DGKB: variants seen among roughly 807,000 people sequenced by gnomAD.
DGKB encodes diacylglycerol kinase beta, also known as 90 kDa diacylglycerol kinase.
A neutral mutation model predicts 114.3 loss-of-function variants in DGKB; 67 were observed. That is an observed-to-expected ratio of 0.59 (90% confidence interval 0.48 to 0.72). The LOEUF (loss-of-function observed/expected upper bound fraction) is 0.72. Among genes scored for constraint, DGKB ranks in the 30% least tolerant of loss-of-function variants. The pLI is 0.00. For missense variants in DGKB, 907 were observed against 975.2 expected, an observed-to-expected ratio of 0.93 and a Z score of 0.93; for synonymous variants, 398 against 323.1, an observed-to-expected ratio of 1.23 and a Z score of -2.49.
intron 5 of DGKB, among the ~76,000 whole-genome samples, chr7:14,730,757 T>A (rs1830787936): frequency 6.6e-6 from 1 of 152,174 alleles, no homozygotes; most frequent in Non-Finnish European, 1.5e-5. Flanking sequence ...TGGGGATGAC[T>A]GCAACTCCAT....
At chr7:14,675,997 T>C (rs909785872) in intron 12 of DGKB, among the ~76,000 whole-genome samples, 1 of 152,076 alleles carries the variant, frequency 6.6e-6, no homozygotes, top group Non-Finnish European at 1.5e-5. Flanking sequence ...GAGATATACT[T>C]GAGGAAAAAA....
At chr7:14,628,067 C>T (rs1808968211) in intron 14 of DGKB, among the ~76,000 whole-genome samples, 1 of 152,048 alleles carries the variant, frequency 6.6e-6, no homozygotes. Flanking sequence ...AAGTAAGTAC[C>T]AGGAGGCAGC....
chr7:14,293,978 T>A (rs1241489661), intron 23 of DGKB, among the ~76,000 whole-genome samples: 1 of 152,234 alleles, frequency 6.6e-6, no homozygotes, highest in African/African-American at 2.4e-5. Flanking sequence ...CTTTTTGTTC[T>A]GGAGTTCAAA....
At chr7:14,580,489 A>T (rs1346628173) in intron 19 of DGKB, among the ~76,000 whole-genome samples, 1 of 152,324 alleles carries the variant, frequency 6.6e-6, no homozygotes, top group African/African-American at 2.4e-5. Flanking sequence ...TTAGCCTTTC[A>T]TCTTTCCTTT....
intron 20 of DGKB, among the ~76,000 whole-genome samples, chr7:14,497,550 A>T (rs1015361370): frequency 1.3e-5 from 2 of 151,768 alleles, no homozygotes; most frequent in African/African-American, 4.8e-5. Flanking sequence ...TCATGTCCCT[A>T]TATTCCTCAG....
chr7:14,197,027 T>G (rs965034255), intron 23 of DGKB, among the ~76,000 whole-genome samples: 11 of 152,190 alleles, frequency 7.2e-5, no homozygotes, highest in Non-Finnish European at 1.5e-4. Flanking sequence ...CTAGCAACAC[T>G]TGAAACCCTA....
At chr7:14,403,306 G>C (rs1020330098) in intron 21 of DGKB, among the ~76,000 whole-genome samples, 17 of 151,784 alleles carry the variant, frequency 1.1e-4, no homozygotes, top group African/African-American at 3.9e-4. Flanking sequence ...TCTGCCAGTA[G>C]ATACCAGCCC....
chr7:14,737,242 G>A (rs184457614), intron 4 of DGKB, among the ~76,000 whole-genome samples: 3 of 149,658 alleles, frequency 2.0e-5, no homozygotes, highest in African/African-American at 7.4e-5. Flanking sequence ...CAGATCAAGA[G>A]AGTGCAAGGG....
chr7:14,509,935 G>C (rs1042000775), intron 20 of DGKB, among the ~76,000 whole-genome samples: 1 of 152,164 alleles, frequency 6.6e-6, no homozygotes, highest in Non-Finnish European at 1.5e-5. Context: ...CCGCACATTG[G>C]GAGGCCGAGG....
intron 6 of DGKB, among the ~76,000 whole-genome samples, chr7:14,704,168 G>T (rs1259348529): frequency 6.6e-6 from 1 of 151,712 alleles, no homozygotes; most frequent in East Asian, 1.9e-4. Flanking sequence ...GGGCGCGGTG[G>T]CTTATGCCTG....
chr7:14,689,231 A>C (rs1585674239), intron 9 of DGKB, among the ~76,000 whole-genome samples: 1 of 38,848 alleles, frequency 2.6e-5, no homozygotes, highest in Non-Finnish European at 5.3e-5. Flanking sequence ...TTTTGAGAGG[A>C]GTCTCGCTCT....
chr7:14,200,502 T>C (rs1447605233), intron 23 of DGKB, among the ~76,000 whole-genome samples: 1 of 152,110 alleles, frequency 6.6e-6, no homozygotes, highest in East Asian at 1.9e-4. Context: ...TCTTTTTGTT[T>C]CTTCTTGATT....
chr7:14,647,874 AG>A (rs1032093613), intron 13 of DGKB, among the ~76,000 whole-genome samples: 4 of 152,222 alleles, frequency 2.6e-5, no homozygotes, highest in African/African-American at 9.6e-5. Flanking sequence ...AGTCAAAGAA[AG>A]GGGTGACGGA....
chr7:14,799,724 G>C (rs1288826398), intron 2 of DGKB, among the ~76,000 whole-genome samples: 1 of 152,158 alleles, frequency 6.6e-6, no homozygotes, highest in Non-Finnish European at 1.5e-5. Flanking sequence ...AAAGCTGCTA[G>C]TTTTAAATGG....
At chr7:14,295,028 C>G (rs912096013) in intron 23 of DGKB, among the ~76,000 whole-genome samples, 1 of 152,152 alleles carries the variant, frequency 6.6e-6, no homozygotes, top group Non-Finnish European at 1.5e-5. Flanking sequence ...AGGTATCAAA[C>G]TTCTTCCTTT....
intron 21 of DGKB, among the ~76,000 whole-genome samples, chr7:14,405,940 T>A (rs1215869411): frequency 6.6e-6 from 1 of 151,986 alleles, no homozygotes; most frequent in East Asian, 1.9e-4. Flanking sequence ...CAACACAAGA[T>A]TCGCAACAGC....
intron 15 of DGKB, among the ~76,000 whole-genome samples, chr7:14,616,236 A>G (rs1806495713): frequency 6.7e-6 from 1 of 148,652 alleles, no homozygotes; most frequent in Non-Finnish European, 1.5e-5. Flanking sequence ...ACATATATAT[A>G]TATACACACA....
chr7:14,458,433 T>C lies in DGKB; in HGVS notation c.1835+19728A>G, dbSNP rs1479584593. On this transcript the variant is annotated intron_variant, in intron 21 of 25. Transcript: ENST00000402815. ...AAGATGGCTGAGTAGGAACAGCTCC[T>C]GTCTGCAGCTCCCAGCGAAATCAAT... Among the ~76,000 whole-genome samples, 7 of 152,318 alleles carry C rather than the reference T, an allele frequency of 4.6e-5. No homozygotes were observed. The East Asian group carries it at 9.7e-4, about 21-fold the overall frequency.
intron 23 of DGKB, among the ~76,000 whole-genome samples, chr7:14,279,176 G>A (rs200937719): frequency 6.6e-6 from 1 of 152,018 alleles, no homozygotes; most frequent in African/African-American, 2.4e-5. Flanking sequence ...TTTCCGATGG[G>A]CTTAAAAAAT....
Sources: gnomAD v4.1 joint callset for allele counts (sites outside exome capture counted in the v4.1 genomes callset) on GRCh38, gnomAD v4.1.1 for gene constraint, MANE v1.5 for transcripts, NCBI Gene and HGNC (gene_info 2026-07-23, HGNC 2026-07-21) for gene names.